PPM1L: variants seen among roughly 807,000 people sequenced by gnomAD.
PPM1L encodes protein phosphatase 1L.
In PPM1L, 13 loss-of-function variants were observed where a neutral mutation model predicts 31.4. That is an observed-to-expected ratio of 0.41 (90% CI 0.27 to 0.66). The LOEUF (loss-of-function observed/expected upper bound fraction) is 0.66. Among genes scored for constraint, PPM1L ranks in the 30% least tolerant of loss-of-function variants. The pLI is 0.29. For synonymous variants in PPM1L, 184 were observed against 175.4 expected, an observed-to-expected ratio of 1.05 and a Z score of -0.39; for missense variants, 326 against 453.7, an observed-to-expected ratio of 0.72 and a Z score of 2.56.
intron 1 of PPM1L, among the ~76,000 whole-genome samples, chr3:160,806,598 C>T (rs1373477107): frequency 6.6e-6 from 1 of 152,096 alleles, no homozygotes; most frequent in Non-Finnish European, 1.5e-5. Flanking sequence ...GTTAGAATCA[C>T]CCGGACAGCT....
chr3:160,914,093 C>T (rs1714070582), intron 1 of PPM1L, among the ~76,000 whole-genome samples: 1 of 152,178 alleles, frequency 6.6e-6, no homozygotes, highest in South Asian at 2.1e-4. Context: ...TTTGCCAACA[C>T]TTGGCGTAGA....
intron 2 of PPM1L, among the ~76,000 whole-genome samples, chr3:161,043,139 T>C (rs1718960376): frequency 6.6e-6 from 1 of 151,876 alleles, no homozygotes; most frequent in African/African-American, 2.4e-5. Flanking sequence ...CAGTTCAACT[T>C]AGAGTGAATC....
intron 2 of PPM1L, among the ~76,000 whole-genome samples, chr3:161,050,331 G>C (rs781677781): frequency 9.2e-5 from 14 of 151,994 alleles, no homozygotes; most frequent in Non-Finnish European, 1.9e-4. Flanking sequence ...CCCTCAGTAG[G>C]AAAGGAAAAA....
At position 160,922,219 on chromosome 3, in the gene PPM1L, A is replaced by G. The variant is rs1576715914; in HGVS notation, c.400-39517A>G. ...CAGCTACTTGGGAGGCTGAGGCAGG[A>G]GAATGGCGTGAACCTGGGAGGTGGA... On this transcript the variant is annotated intron_variant, in intron 1 of 3. Coordinates refer to ENST00000498165, the MANE Select transcript of PPM1L (RefSeq NM_139245.4). 2.6e-5 allele frequency among the ~76,000 whole-genome samples: 4 copies of G among 152,140 alleles called. No homozygotes were observed. The South Asian group carries it at 8.3e-4, about 32-fold the overall frequency.
chr3:160,867,045 G>T (rs548593709), intron 1 of PPM1L, among the ~76,000 whole-genome samples: 15 of 152,154 alleles, frequency 9.9e-5, no homozygotes, highest in African/African-American at 2.7e-4. Flanking sequence ...TCACTATCTT[G>T]CCCAGTCTGG....
chr3:160,808,386 T>TGTGTGTGTGTGTGTGTGTGCGCGCGCGC, intron 1 of PPM1L, among the ~76,000 whole-genome samples: 1 of 47,004 alleles, frequency 2.1e-5, no homozygotes. Flanking sequence ...GATTTTCCTG[T>TGTGTGTGTGTGTGTGTGTGCGCGCGCGC]GTGTGTGTGT....
At chr3:160,779,489 C>T (rs17236641) in intron 1 of PPM1L, among the ~76,000 whole-genome samples, 7,434 of 152,108 alleles carry the variant, frequency 0.049, 206 homozygotes, top group East Asian at 0.072. Context: ...TGGACTCCCA[C>T]ACCTAATTGC....
At chr3:160,975,870 T>C (rs2108028951) in intron 2 of PPM1L, among the ~76,000 whole-genome samples, 1 of 147,246 alleles carries the variant, frequency 6.8e-6, no homozygotes, top group Admixed American at 6.8e-5. Flanking sequence ...TTTATTTCCT[T>C]CTCCTGCCTA....
intron 1 of PPM1L, among the ~76,000 whole-genome samples, chr3:160,827,039 A>C (rs945973893): frequency 6.6e-6 from 1 of 152,176 alleles, no homozygotes; most frequent in African/African-American, 2.4e-5. Context: ...GTGTGCGACA[A>C]AATGTGGTTC....
At chr3:160,844,756 C>CTGTACAATTCACCCATATAAAG (rs1714021463) in intron 1 of PPM1L, among the ~76,000 whole-genome samples, 1 of 152,024 alleles carries the variant, frequency 6.6e-6, no homozygotes, top group Non-Finnish European at 1.5e-5. Flanking sequence ...AATTAACATA[C>CTGTACAATTCACCCATATAAAG]TGTACAATTC....
At chr3:160,932,101 A>G (rs967999912) in intron 1 of PPM1L, among the ~76,000 whole-genome samples, 1 of 152,122 alleles carries the variant, frequency 6.6e-6, no homozygotes, top group Admixed American at 6.5e-5. Context: ...TTAGCTATGT[A>G]TGTTTTCTCA....
intron 2 of PPM1L, among the ~76,000 whole-genome samples, chr3:161,041,243 C>T (rs750862849): frequency 3.9e-5 from 6 of 152,202 alleles, no homozygotes; most frequent in Non-Finnish European, 5.9e-5. Context: ...ATGCCTCCCC[C>T]CACTGGCCCC....
chr3:161,008,632 C>A (rs1717790585), intron 2 of PPM1L, among the ~76,000 whole-genome samples: 1 of 152,184 alleles, frequency 6.6e-6, no homozygotes, highest in East Asian at 1.9e-4. Context: ...ATTCTAGGTA[C>A]ATTGTGAAGG....
intron 1 of PPM1L, among the ~76,000 whole-genome samples, chr3:160,794,981 C>A (rs1257760973): frequency 6.6e-6 from 1 of 152,024 alleles, no homozygotes. Flanking sequence ...AGAAGATAAA[C>A]CTAGTATGGC....
At chr3:160,986,606 C>G (rs564829322) in intron 2 of PPM1L, among the ~76,000 whole-genome samples, 2 of 152,222 alleles carry the variant, frequency 1.3e-5, no homozygotes, top group South Asian at 4.2e-4. Flanking sequence ...ACAGTTTTTC[C>G]CACATCTTTG....
chr3:160,976,490 A>T (rs1322388409), intron 2 of PPM1L, among the ~76,000 whole-genome samples: 1 of 149,248 alleles, frequency 6.7e-6, no homozygotes, highest in South Asian at 2.2e-4. Context: ...TTCGGCTGTG[A>T]ATCCATCTGG....
intron 1 of PPM1L, among the ~76,000 whole-genome samples, chr3:160,784,867 A>T (rs1215982984): frequency 1.3e-5 from 2 of 152,158 alleles, no homozygotes; most frequent in Non-Finnish European, 2.9e-5. Context: ...GAAGGAGGGG[A>T]GGTTGAAGAA....
At chr3:161,010,591 A>G (rs1717860573) in intron 2 of PPM1L, among the ~76,000 whole-genome samples, 1 of 152,180 alleles carries the variant, frequency 6.6e-6, no homozygotes, top group Admixed American at 6.5e-5. Context: ...TCCTTGAGGA[A>G]TTGCCACACT....
chr3:160,782,775 A>G (rs1314302035), intron 1 of PPM1L, among the ~76,000 whole-genome samples: 2 of 152,222 alleles, frequency 1.3e-5, no homozygotes, highest in African/African-American at 4.8e-5. Flanking sequence ...TAAAGTAAAA[A>G]AAGAGTTCTT....
Sources: gnomAD v4.1 joint callset for allele counts (sites outside exome capture counted in the v4.1 genomes callset) on GRCh38, gnomAD v4.1.1 for gene constraint, MANE v1.5 for transcripts, NCBI Gene and HGNC (gene_info 2026-07-23, HGNC 2026-07-21) for gene names.